The following TRAPPC12 variants were observed in gnomAD, a reference collection of about 807,000 sequenced individuals.
The protein encoded by TRAPPC12 is TPR repeat protein 15.
TRAPPC12 carries 61 observed loss-of-function variants against 69.2 expected under a neutral mutation model. The observed-to-expected ratio is 0.88, with a 90% CI of 0.72 to 1.09. TRAPPC12 has a LOEUF of 1.09. TRAPPC12 is among the 50% of genes least tolerant of loss of function. The pLI, the probability that TRAPPC12 is intolerant of heterozygous loss-of-function variation, is 0.00. For missense variants in TRAPPC12, 1,101 were observed against 1,016.4 expected, an observed-to-expected ratio of 1.08 and a Z score of -1.13; for synonymous variants, 469 against 438.9, an observed-to-expected ratio of 1.07 and a Z score of -0.86.
At chr2:3,404,723 G>A (rs1661630583) in intron 3 of TRAPPC12, among the ~76,000 whole-genome samples, 1 of 152,112 alleles carries the variant, frequency 6.6e-6, no homozygotes, top group Non-Finnish European at 1.5e-5. Flanking sequence ...CACAGAATGG[G>A]TACACGGCGT....
At chr2:3,419,439 C>A (rs1662646892) in intron 3 of TRAPPC12, among the ~76,000 whole-genome samples, 1 of 152,152 alleles carries the variant, frequency 6.6e-6, no homozygotes, top group Admixed American at 6.6e-5. Context: ...CGTAACCAAT[C>A]TAAAAATACT....
chr2:3,458,480 G>A (rs1290511598), intron 7 of TRAPPC12: 2 of 985,048 alleles, frequency 2.0e-6, no homozygotes, highest in Non-Finnish European at 2.4e-6. Flanking sequence ...GGGTTTCTGG[G>A]GAACTGCTGG....
chr2:3,391,200 A>G (rs1660803803), intron 2 of TRAPPC12, among the ~76,000 whole-genome samples: 1 of 152,148 alleles, frequency 6.6e-6, no homozygotes, highest in African/African-American at 2.4e-5. Flanking sequence ...CCCACCTCCC[A>G]GTTACTGGCC....
intron 5 of TRAPPC12, among the ~76,000 whole-genome samples, chr2:3,432,857 C>T (rs561089389): frequency 3.0e-4 from 45 of 152,348 alleles, no homozygotes; most frequent in African/African-American, 1.1e-3. Context: ...AGGCCTTGGC[C>T]AGTCACTGGG....
chr2:3,457,884 C>A (rs544835590), intron 7 of TRAPPC12, 191 bp downstream of exon 7: 2 of 1,432,716 alleles, frequency 1.4e-6, no homozygotes, highest in Non-Finnish European at 1.8e-6. Flanking sequence ...GTGGGTGCAA[C>A]GTGCAGCCTC....
Position 3,389,846 on chromosome 2 carries a change from G to A in TRAPPC12, c.1047+1176G>A. On this transcript the variant is annotated intron_variant, in intron 2 of 11. Coordinates refer to ENST00000324266, the MANE Select transcript of TRAPPC12 (RefSeq NM_016030.6). Reference sequence around the variant, plus strand: ...TCAGCAGAGAGGGGAGGCGAGGGTGGTCCCCCACCGAAAGTCAGGTGGTGT... The same window carrying A: ...TCAGCAGAGAGGGGAGGCGAGGGTGATCCCCCACCGAAAGTCAGGTGGTGT... 3.4e-5 allele frequency: 16 copies of A among 464,834 alleles called. 1 individual carries two copies. The highest frequency in any genetic ancestry group is 2.5e-4 in the South Asian group (16 of 64,426). 28.8% of individuals were successfully genotyped at this position (464,834 alleles called of 1,614,324 possible).
chr2:3,467,053 T>G (rs1665847280), intron 9 of TRAPPC12, among the ~76,000 whole-genome samples: 1 of 152,216 alleles, frequency 6.6e-6, no homozygotes. Flanking sequence ...TGGAAGTGCT[T>G]CTCCTTCCAG....
intron 5 of TRAPPC12, among the ~76,000 whole-genome samples, chr2:3,439,194 A>C (rs1177267797): frequency 6.6e-6 from 1 of 152,216 alleles, no homozygotes; most frequent in Non-Finnish European, 1.5e-5. Flanking sequence ...CCCTAATGAC[A>C]TATGATGATG....
At chr2:3,380,564 C>T (rs994805735) in intron 1 of TRAPPC12, among the ~76,000 whole-genome samples, 2 of 152,140 alleles carry the variant, frequency 1.3e-5, no homozygotes, top group African/African-American at 4.8e-5. Flanking sequence ...TTAATGGCTA[C>T]TTGAAGATAT....
intron 6 of TRAPPC12, among the ~76,000 whole-genome samples, chr2:3,444,587 C>T (rs942872097): frequency 2.6e-5 from 4 of 152,164 alleles, no homozygotes; most frequent in East Asian, 1.9e-4. Flanking sequence ...ATAAGGTATG[C>T]GGAAGTACTT....
intron 5 of TRAPPC12, among the ~76,000 whole-genome samples, chr2:3,440,146 C>G (rs1444394330): frequency 1.3e-5 from 2 of 152,092 alleles, no homozygotes; most frequent in Non-Finnish European, 2.9e-5. Flanking sequence ...GCCAGATTTG[C>G]TCTCTTTGAT....
At chr2:3,476,903 G>A (rs930177010) in intron 9 of TRAPPC12, among the ~76,000 whole-genome samples, 3 of 152,232 alleles carry the variant, frequency 2.0e-5, no homozygotes, top group Non-Finnish European at 2.9e-5. Flanking sequence ...CTGTGCCCCG[G>A]ACACAAAGCA....
intron 8 of TRAPPC12, chr2:3,462,809 CT>C: frequency 2.3e-6 from 1 of 438,778 alleles, no homozygotes; most frequent in African/African-American, 2.0e-5. Context: ...TGGGCCCCCC[CT>C]CCCCCGGGTG....
At chr2:3,406,392 G>T (rs1464342972) in intron 3 of TRAPPC12, among the ~76,000 whole-genome samples, 1 of 152,186 alleles carries the variant, frequency 6.6e-6, no homozygotes, top group Non-Finnish European at 1.5e-5. Context: ...ATTTACAGAA[G>T]CGTGTCCTCA....
At chr2:3,462,772 T>C in intron 8 of TRAPPC12, 1 of 398,196 alleles carries the variant, frequency 2.5e-6, no homozygotes, top group Non-Finnish European at 5.2e-6. Flanking sequence ...ACCATATGGA[T>C]GCAGGTGCCT....
In TRAPPC12 at chr2:3,475,803, G is replaced by A. The variant is rs370421911; in HGVS notation, c.1777-1892G>A. ...ATTGTCTCATCTTTCCAAGCCCGAC[G>A]ACTTCATCTAGAAAGCGAAGCTAGC... On this transcript the variant is annotated intron_variant, in intron 9 of 11. Coordinates refer to ENST00000324266, the MANE Select transcript of TRAPPC12 (RefSeq NM_016030.6). Among the ~76,000 whole-genome samples, 7 of 152,292 alleles carry A rather than the reference G, an allele frequency of 4.6e-5. No homozygotes were observed. In the South Asian group the frequency reaches 8.3e-4, roughly 18 times the overall value.
rs376938032 is a variant in TRAPPC12, at chr2:3,465,611, C to A, written c.1692C>A (p.Ala564=). 4.3e-6 allele frequency: 7 copies of A among 1,613,650 alleles called. No individual in the cohort carries two copies. Among genetic ancestry groups the A allele is most frequent in the Non-Finnish European group, 8.5e-7 (1 of 1,179,552 alleles). ...CLLLMKDYVL[A]VEAYHSVIKY... is the part of the protein sequence containing the mutation. The stretch of plus-strand genomic sequence containing the variant: ...TCTTCCCACAGGATTATGTGCTGGC[C>A]GTGGAGGCGTATCATTCGGTTATCA... Residue 564 remains alanine (A), a synonymous_variant, in exon 9 of 12, where the codon GCC becomes GCA. Transcript: ENST00000324266.
chr2:3,386,277 C>G (rs527446458), intron 1 of TRAPPC12, among the ~76,000 whole-genome samples: 1 of 152,268 alleles, frequency 6.6e-6, no homozygotes, highest in African/African-American at 2.4e-5. Flanking sequence ...TTATCATAGT[C>G]TCTTAGATTT....
chr2:3,427,316 C>G (rs1264247942), intron 5 of TRAPPC12, among the ~76,000 whole-genome samples: 2 of 152,150 alleles, frequency 1.3e-5, no homozygotes, highest in Non-Finnish European at 2.9e-5. Flanking sequence ...CTGCCTGGGC[C>G]GGGGACTGGA....
Sources: gnomAD v4.1 joint callset for allele counts (sites outside exome capture counted in the v4.1 genomes callset) on GRCh38, gnomAD v4.1.1 for gene constraint, MANE v1.5 for transcripts, NCBI Gene and HGNC (gene_info 2026-07-23, HGNC 2026-07-21) for gene names.